VPS53: variants seen among roughly 807,000 people sequenced by gnomAD.
The protein encoded by VPS53 is VPS53 subunit of GARP complex.
A neutral mutation model predicts 107.0 loss-of-function variants in VPS53; 70 were observed. The ratio of observed to expected loss-of-function variants is 0.65; its 90% confidence interval spans 0.54 to 0.80. The LOEUF (loss-of-function observed/expected upper bound fraction) is 0.80. VPS53 is among the 30% of genes least tolerant of loss of function. The probability of loss-of-function intolerance (pLI) is 0.00; values close to 1 mark genes in which losing one functional copy is unlikely to be tolerated. For missense variants in VPS53, 917 were observed against 1,049.4 expected (o/e 0.87, Z 1.74); for synonymous variants, 409 against 393.3 (o/e 1.04, Z -0.47).
At chr17:565,733 C>T (rs1913442205) in intron 13 of VPS53, among the ~76,000 whole-genome samples, 1 of 152,244 alleles carries the variant, frequency 6.6e-6, no homozygotes, top group Middle Eastern at 3.4e-3. Flanking sequence ...CCCCTGCTGG[C>T]CTACTCCCGG....
chr17:605,224 T>G (rs964075137), intron 11 of VPS53, among the ~76,000 whole-genome samples: 2 of 152,002 alleles, frequency 1.3e-5, no homozygotes, highest in African/African-American at 2.4e-5. Context: ...GTGAGGAAGA[T>G]GGATTAGAGA....
In VPS53 at chr17:673,537, C is replaced by T. The variant is rs1313946995; in HGVS notation, c.286-11642G>A. 8.5e-5 allele frequency among the ~76,000 whole-genome samples: 13 copies of T among 152,330 alleles called. No individual in the cohort carries two copies. In the East Asian group the frequency reaches 1.5e-3, roughly 18 times the overall value. ...GGTGCTCAACAGCAGCAGAGGCTGT[C>T]GGACTCTCACAGCCACAGATGGCTG... On this transcript the variant is annotated intron_variant, in intron 4 of 21. Coordinates refer to ENST00000437048, the MANE Select transcript of VPS53 (RefSeq NM_001128159.3).
chr17:604,824 C>T (rs1968490044), intron 11 of VPS53, among the ~76,000 whole-genome samples: 1 of 152,134 alleles, frequency 6.6e-6, no homozygotes, highest in Admixed American at 6.5e-5. Flanking sequence ...ACATGTGGAC[C>T]AAGTTAGTAC....
chr17:542,585 C>T (rs77485677), intron 17 of VPS53, among the ~76,000 whole-genome samples: 2 of 152,172 alleles, frequency 1.3e-5, no homozygotes, highest in East Asian at 3.8e-4. Flanking sequence ...CTTGCACTAT[C>T]ACTAAAAATC....
At chr17:538,928 A>G (rs1172987991) in intron 17 of VPS53, 1 of 152,202 alleles carries the variant, frequency 6.6e-6, no homozygotes, top group African/African-American at 2.4e-5. Flanking sequence ...TTTGATTTTG[A>G]AGATTTGACC....
Position 520,136 on chromosome 17 carries a change from G to A in VPS53, c.2224-206C>T, listed in dbSNP as rs1469062610. Among the ~76,000 whole-genome samples, 1 of 152,148 alleles carries A rather than the reference G, an allele frequency of 6.6e-6. No homozygotes were observed. Among genetic ancestry groups the A allele is most frequent in the Non-Finnish European group, 1.5e-5 (1 of 68,020 alleles). ...AGCAGCAGCAACCCAGACTAGAAAC[G>A]CCCCAGTGGCCCATCTCATCTTCAC... is the stretch of plus-strand genomic sequence containing the variant. On this transcript the variant is annotated intron_variant, in intron 20 of 21. Coordinates refer to ENST00000437048, the MANE Select transcript of VPS53 (RefSeq NM_001128159.3). This position sits in a 1 kb window ranked among gnomAD's most constrained non-coding sequence, Gnocchi z 4.4.
intron 7 of VPS53, among the ~76,000 whole-genome samples, chr17:651,888 T>C (rs1257475636): frequency 6.6e-6 from 1 of 152,200 alleles, no homozygotes; most frequent in East Asian, 1.9e-4. Context: ...GAGAAATTAC[T>C]TTCCTTTCCA....
At chr17:578,376 A>G (rs548671981) in intron 13 of VPS53, among the ~76,000 whole-genome samples, 10 of 151,852 alleles carry the variant, frequency 6.6e-5, no homozygotes, top group African/African-American at 2.2e-4. Flanking sequence ...TTCCTAGAGA[A>G]CCTCCCTCAG....
chr17:707,192 T>C (rs1209626547), intron 2 of VPS53, among the ~76,000 whole-genome samples: 2 of 152,168 alleles, frequency 1.3e-5, no homozygotes, highest in African/African-American at 4.8e-5. Context: ...TATATAATAT[T>C]CTGGGGATAC....
At chr17:597,421 G>A (rs969306633) in intron 12 of VPS53, among the ~76,000 whole-genome samples, 1 of 152,192 alleles carries the variant, frequency 6.6e-6, no homozygotes, top group Non-Finnish European at 1.5e-5. Context: ...AGCAAGGCCA[G>A]GGCTGGTGAC....
intron 6 of VPS53, among the ~76,000 whole-genome samples, chr17:654,736 C>CA (rs35308893): frequency 0.4 from 26,944 of 67,066 alleles, 4,668 homozygotes; most frequent in African/African-American, 0.58. Context: ...GACTCCAACT[C>CA]AAAAAAAAAA....
At chr17:669,179 T>A (rs1360214459) in intron 4 of VPS53, among the ~76,000 whole-genome samples, 1 of 152,214 alleles carries the variant, frequency 6.6e-6, no homozygotes. Context: ...GGAAGAATCA[T>A]GGGTCCTACA....
chr17:564,683 TTCC>T (rs1472301265), intron 13 of VPS53, among the ~76,000 whole-genome samples: 1 of 151,790 alleles, frequency 6.6e-6, no homozygotes, highest in Non-Finnish European at 1.5e-5. Flanking sequence ...CACCACTGCA[TTCC>T]AGCCTGGGCA....
chr17:664,736 C>T (rs544393822), intron 4 of VPS53, among the ~76,000 whole-genome samples: 33 of 152,216 alleles, frequency 2.2e-4, no homozygotes, highest in African/African-American at 7.2e-4. Flanking sequence ...GTCCACGAGA[C>T]GGTGGAGGCC....
intron 19 of VPS53, among the ~76,000 whole-genome samples, chr17:531,788 T>TTTTTTTTTG: frequency 7.1e-6 from 1 of 141,390 alleles, no homozygotes. Flanking sequence ...TTTTTTTTTT[T>TTTTTTTTTG]TTTTTTGAGA....
chr17:517,467 T>G lies in VPS53; in HGVS notation c.*1661A>C. Reference sequence around the variant, plus strand: ...AGGTTTCCAGGCAGATTTCCAAACCTTATTCCTACTGTACGGCTGTTACAA... The same window carrying G: ...AGGTTTCCAGGCAGATTTCCAAACCGTATTCCTACTGTACGGCTGTTACAA... On this transcript the variant is annotated 3_prime_UTR_variant, in exon 22 of 22. Coordinates refer to ENST00000437048, the MANE Select transcript of VPS53 (RefSeq NM_001128159.3). 1 of 398,702 alleles carries G rather than the reference T, an allele frequency of 2.5e-6. No individual in the cohort carries two copies. The highest frequency in any genetic ancestry group is 4.4e-6 in the Non-Finnish European group (1 of 226,078). The allele number at this position is 398,702 out of a possible 1,614,324, so 24.7% of individuals were successfully genotyped here.
At chr17:609,164 G>T (rs546428600) in intron 11 of VPS53, among the ~76,000 whole-genome samples, 1 of 152,198 alleles carries the variant, frequency 6.6e-6, no homozygotes, top group Admixed American at 6.5e-5. Context: ...CTGGGAAGCT[G>T]TTACTTCCCA....
At chr17:682,980 CA>C (rs1371003121) in intron 4 of VPS53, among the ~76,000 whole-genome samples, 7 of 151,678 alleles carry the variant, frequency 4.6e-5, no homozygotes, top group Non-Finnish European at 1.0e-4. Context: ...TTATAAGAGT[CA>C]AATGGAAATG....
intron 17 of VPS53, among the ~76,000 whole-genome samples, chr17:541,997 G>C (rs1290467103): frequency 2.9e-4 from 31 of 107,736 alleles, no homozygotes; most frequent in South Asian, 1.5e-3. Context: ...ATGCACCAGG[G>C]GCTGAAGGAA....
Sources: allele counts gnomAD v4.1 joint callset (sites outside exome capture counted in the v4.1 genomes callset), GRCh38; gene constraint gnomAD v4.1.1; non-coding constraint Gnocchi (gnomAD v3.1); transcripts MANE v1.5; gene names NCBI Gene and HGNC (gene_info 2026-07-23, HGNC 2026-07-21).